CDC42BPB: variants seen among roughly 807,000 people sequenced by gnomAD.
CDC42BPB encodes serine/threonine-protein kinase MRCK beta.
Under a neutral mutation model 214.9 loss-of-function variants are expected in CDC42BPB, and 37 were observed. The ratio of observed to expected loss-of-function variants is 0.17; its 90% CI spans 0.13 to 0.23. The LOEUF (loss-of-function observed/expected upper bound fraction) is 0.23. CDC42BPB is among the 10% of genes least tolerant of loss of function. The pLI is 1.00. For synonymous variants in CDC42BPB, 931 were observed against 884.0 expected, an observed-to-expected ratio of 1.05 and a Z score of -0.94; for missense variants, 1,694 against 2,227.0, an observed-to-expected ratio of 0.76 and a Z score of 4.82.
intron 8 of CDC42BPB, among the ~76,000 whole-genome samples, chr14:102,979,137 G>A (rs867324745): frequency 1.3e-5 from 2 of 152,064 alleles, no homozygotes; most frequent in Middle Eastern, 3.4e-3. Flanking sequence ...TTTTCTCCAT[G>A]TGGTCTGAAG....
At chr14:102,946,226 T>C (rs1364466816) in intron 28 of CDC42BPB, among the ~76,000 whole-genome samples, 2 of 152,234 alleles carry the variant, frequency 1.3e-5, no homozygotes, top group East Asian at 1.9e-4. Flanking sequence ...GGTTTCACCG[T>C]GTTAGCCAGG....
chr14:102,981,600 G>A (rs1462951580), intron 7 of CDC42BPB, among the ~76,000 whole-genome samples: 1 of 152,168 alleles, frequency 6.6e-6, no homozygotes. Flanking sequence ...GACCAACAAG[G>A]TGAAACCCTG....
chr14:102,969,125 G>A (rs1893357033), intron 14 of CDC42BPB, among the ~76,000 whole-genome samples: 1 of 152,214 alleles, frequency 6.6e-6, no homozygotes, highest in Admixed American at 6.5e-5. Flanking sequence ...CCAGGTTGTA[G>A]GGAGTGGAGG....
At chr14:102,984,997 T>C (rs1894171347) in intron 6 of CDC42BPB, among the ~76,000 whole-genome samples, 1 of 151,906 alleles carries the variant, frequency 6.6e-6, no homozygotes, top group African/African-American at 2.4e-5. Flanking sequence ...GGAGTGGAGG[T>C]GAGGAGGGTA....
At chr14:102,988,466 T>C (rs770483718) in intron 5 of CDC42BPB, among the ~76,000 whole-genome samples, 1 of 151,584 alleles carries the variant, frequency 6.6e-6, no homozygotes, top group Admixed American at 6.6e-5. Context: ...TTGATGCTCA[T>C]ATGAAAAGAA....
chr14:103,047,945 C>T (rs933985771), intron 1 of CDC42BPB, among the ~76,000 whole-genome samples: 2 of 149,194 alleles, frequency 1.3e-5, no homozygotes, highest in African/African-American at 5.0e-5. Flanking sequence ...TCAAAAAATT[C>T]ACCTCCGATG....
chr14:102,949,738 C>A (rs760945898), intron 26 of CDC42BPB, 27 bp downstream of exon 26: 1 of 1,612,844 alleles, frequency 6.2e-7, no homozygotes, highest in Non-Finnish European at 8.5e-7. Context: ...ATTCACAGAG[C>A]AAGGACAGTG....
At chr14:102,953,602 T>C (rs956803875) in intron 23 of CDC42BPB, among the ~76,000 whole-genome samples, 2 of 152,184 alleles carry the variant, frequency 1.3e-5, no homozygotes, top group South Asian at 2.1e-4. Context: ...TGCTTGGAAC[T>C]CAGGGGCCCG....
At chr14:103,018,263 G>A (rs1886577958) in intron 1 of CDC42BPB, among the ~76,000 whole-genome samples, 1 of 152,220 alleles carries the variant, frequency 6.6e-6, no homozygotes, top group Admixed American at 6.5e-5. Context: ...GTGGCCTGGG[G>A]GTTGGGGATC....
At position 102,980,830 on chromosome 14, in the gene CDC42BPB, C is replaced by G; in HGVS notation, c.1083G>C (p.Val361=). The G allele has an allele frequency of 6.2e-7, 1 of 1,614,204 alleles. No homozygotes were observed. Among genetic ancestry groups the G allele is most frequent in the Non-Finnish European group, 8.5e-7 (1 of 1,180,040 alleles). The part of the protein sequence containing the change: ...RNLEAPYIPD[V]SSPSDTSNFD... ...AGTTGGATGTGTCAGAGGGACTGCT[C>G]ACATCAGGAATATAAGGTGCTTCTA... The change falls in exon 8 of 37, where the codon GTG becomes GTC. Residue 361 remains valine (V), a synonymous_variant. Coordinates refer to ENST00000361246, the MANE Select transcript of CDC42BPB (RefSeq NM_006035.4).
At chr14:103,048,905 T>C (rs745674258) in intron 1 of CDC42BPB, among the ~76,000 whole-genome samples, 8 of 151,980 alleles carry the variant, frequency 5.3e-5, no homozygotes, top group Non-Finnish European at 8.8e-5. Context: ...CATGGGATTA[T>C]TATAAGAAAA....
chr14:103,049,849 G>A (rs1366238386), intron 1 of CDC42BPB, among the ~76,000 whole-genome samples: 1 of 152,186 alleles, frequency 6.6e-6, no homozygotes. Context: ...GAGTAGCTGG[G>A]ATTACAGGCG....
chr14:103,038,424 CAAAG>C (rs1296956618), intron 1 of CDC42BPB, among the ~76,000 whole-genome samples: 1 of 151,798 alleles, frequency 6.6e-6, no homozygotes, highest in Non-Finnish European at 1.5e-5. Flanking sequence ...CAGGAGTGGA[CAAAG>C]AGAGGGTTGT....
At position 102,933,820 on chromosome 14, in the gene CDC42BPB, G is replaced by T. The variant is rs535677589; in HGVS notation, c.5028C>A (p.His1676Gln). 1 of 1,521,146 alleles carries T rather than the reference G, an allele frequency of 6.6e-7. No homozygotes were observed. The highest frequency in any genetic ancestry group is 1.3e-5 in the South Asian group (1 of 76,652). 94.2% of individuals were successfully genotyped at this position (1,521,146 alleles called of 1,614,324 possible). ...GGTTGGAGCTATTCGATGGAGTTGA[G>T]TGTTTGGTGGAGTCCGAATCAGGCT... is the stretch of plus-strand genomic sequence containing the variant. The part of the protein sequence containing the change: ...DKEPDSDSTK[H>Q]STPSNSSNPS... The change falls in exon 37 of 37, where the codon CAC becomes CAA. Residue 1676 changes from histidine to glutamine, a missense_variant. His to Gln is a conservative substitution (Grantham distance 24). Coordinates refer to ENST00000361246, the MANE Select transcript of CDC42BPB (RefSeq NM_006035.4).
rs182133962 is a variant in CDC42BPB at position 102,951,061 on chromosome 14, A to C, written c.3173-459T>G. On this transcript the variant is annotated intron_variant, in intron 24 of 36. Coordinates refer to ENST00000361246, the MANE Select transcript of CDC42BPB (RefSeq NM_006035.4). ...AAGGTAAGAACAGTTGCAAGGCAGA[A>C]TCCACACAAAAGCTCAGGGTTTCTG... 2.0e-5 allele frequency among the ~76,000 whole-genome samples: 3 copies of C among 152,340 alleles called. No homozygotes were observed. The East Asian group carries it at 5.8e-4, about 29-fold the overall frequency.
Position 102,999,238 on chromosome 14 carries a change from G to A in CDC42BPB, c.596+327C>T, listed in dbSNP as rs546813268. ...TTGGGCGGTAGAGACAGAGGACCCCGGGGCCCACGTGAGCCCCAGGGAGCA... is the reference window on the plus strand; with the variant it reads ...TTGGGCGGTAGAGACAGAGGACCCCAGGGCCCACGTGAGCCCCAGGGAGCA... On this transcript the variant is annotated intron_variant, in intron 5 of 36. Coordinates refer to ENST00000361246, the MANE Select transcript of CDC42BPB (RefSeq NM_006035.4). 2.7e-5 allele frequency among the ~76,000 whole-genome samples: 4 copies of A among 148,738 alleles called. No individual in the cohort carries two copies. In the South Asian group the frequency reaches 6.6e-4, roughly 25 times the overall value.
intron 2 of CDC42BPB, among the ~76,000 whole-genome samples, chr14:103,009,007 A>C (rs1886003671): frequency 6.6e-6 from 1 of 152,256 alleles, no homozygotes. Context: ...CCAAATCTTG[A>C]ATAAGCTCTG....
At chr14:102,994,489 G>A (rs1265333798) in intron 5 of CDC42BPB, among the ~76,000 whole-genome samples, 1 of 152,168 alleles carries the variant, frequency 6.6e-6, no homozygotes, top group Non-Finnish European at 1.5e-5. Context: ...CTTTAGATGG[G>A]CAGATGCCCA....
chr14:103,018,120 C>G (rs1886567688), intron 1 of CDC42BPB, among the ~76,000 whole-genome samples: 1 of 152,182 alleles, frequency 6.6e-6, no homozygotes, highest in South Asian at 2.1e-4. Flanking sequence ...CTCAAATACA[C>G]AGTTCACAAT....
Sources: gnomAD v4.1 joint callset for allele counts (sites outside exome capture counted in the v4.1 genomes callset) on GRCh38, gnomAD v4.1.1 for gene constraint, MANE v1.5 for transcripts, NCBI Gene and HGNC (gene_info 2026-07-23, HGNC 2026-07-21) for gene names.